Variants in ZNF844 observed in about 807,000 individuals in gnomAD.
ZNF844 encodes zinc finger protein 844.
In ZNF844, 11 loss-of-function variants were observed where a neutral mutation model predicts 11.4. The observed-to-expected ratio is 0.97, with a 90% CI of 0.61 to 1.60. The LOEUF (loss-of-function observed/expected upper bound fraction) is 1.60. ZNF844 is among the 40% of genes most tolerant of loss of function. The pLI is 0.00. For synonymous variants in ZNF844, 248 were observed against 260.3 expected (o/e 0.95, Z 0.46); for missense variants, 790 against 796.8 (o/e 0.99, Z 0.10).
chr19:12,075,417 A>G lies in ZNF844; in HGVS notation c.297A>G (p.Gly99=). ...DDTLNKKTSP[G]VKSCESSVCG... is the part of the protein sequence containing the mutation. ...CACTGAACAAAAAAACTTCTCCTGG[A>G]GTAAAATCATGTGAAAGCAGTGTGT... Residue 99 remains glycine (G), a synonymous_variant, in exon 4 of 4, where the codon GGA becomes GGG. Coordinates refer to ENST00000439326, the MANE Select transcript of ZNF844 (RefSeq NM_001136501.3). 1 of 1,607,910 alleles carries G rather than the reference A, an allele frequency of 6.2e-7. No individual in the cohort carries two copies. Among genetic ancestry groups the G allele is most frequent in the Non-Finnish European group, 8.5e-7 (1 of 1,177,570 alleles).
In ZNF844 at chr19:12,076,569, G is replaced by A. The variant is rs372799767; in HGVS notation, c.1449G>A (p.Lys483=). ...CTATGAATGTAAGCAGTGTGGTAAA[G>A]CCTTCATTTTTTCCACTTCCTTTCG... is the stretch of plus-strand genomic sequence containing the variant. The part of the protein sequence containing the change: ...RNPMNVSSVV[K]PSFFPLPFDI... The change falls in exon 4 of 4, where the codon AAG becomes AAA. Residue 483 remains lysine, a synonymous_variant. Transcript: ENST00000439326. 2.5e-6 allele frequency: 4 copies of A among 1,610,120 alleles called. No individual in the cohort carries two copies. The highest frequency in any genetic ancestry group is 3.4e-6 in the Non-Finnish European group (4 of 1,178,706).
At position 12,079,946 on chromosome 19, in the gene ZNF844, CAAAA is replaced by C. The variant is rs34875421; in HGVS notation, c.*2842_*2845del. 2.2e-4 allele frequency: 18 copies of C among 82,826 alleles called. No homozygotes were observed. Among genetic ancestry groups the C allele is most frequent in the African/African-American group, 4.3e-4 (12 of 27,764 alleles). The allele number at this position is 82,826 out of a possible 1,614,324, so 5.1% of individuals were successfully genotyped here. ...GGGCAACAAGAGTGAAACTCCATCT[CAAAA>C]AAAAAAAAAAAAAAAATTGAGGAAG... is the stretch of plus-strand genomic sequence containing the variant. On this transcript the variant is annotated 3_prime_UTR_variant, in exon 4 of 4. Coordinates refer to ENST00000439326, the MANE Select transcript of ZNF844 (RefSeq NM_001136501.3).
In ZNF844 at chr19:12,075,387, T is replaced by A; in HGVS notation, c.267T>A (p.Asp89Glu). The change falls in exon 4 of 4, where the codon GAT (aspartate) becomes GAA (glutamate). Residue 89 changes from aspartate (D) to glutamate (E), a missense_variant. Coordinates refer to ENST00000439326, the MANE Select transcript of ZNF844 (RefSeq NM_001136501.3). ...GAGAAACTTCTAGCCAGATTCCAGA[T>A]GACACACTGAACAAAAAAACTTCTC... The part of the protein sequence containing the change: ...HCGETSSQIP[D>E]DTLNKKTSPG... 6.3e-7 allele frequency: 1 copy of A among 1,589,886 alleles called. No individual in the cohort carries two copies. Among genetic ancestry groups the A allele is most frequent in the Non-Finnish European group, 8.6e-7 (1 of 1,168,846 alleles).
At chr19:12,071,320 TC>T (rs1195872608) in intron 1 of ZNF844, among the ~76,000 whole-genome samples, 1 of 152,244 alleles carries the variant, frequency 6.6e-6, no homozygotes. Context: ...AATACTCTTG[TC>T]TCTAATCCTA....
rs1975848364 is a variant in ZNF844, at chr19:12,077,779, A to G, written c.*658A>G. 2.9e-6 allele frequency: 1 copy of G among 348,130 alleles called. No homozygotes were observed. Among genetic ancestry groups the G allele is most frequent in the African/African-American group, 2.2e-5 (1 of 46,506 alleles). The allele number at this position is 348,130 out of a possible 1,614,324, so 21.6% of individuals were successfully genotyped here. ...AAGAACCTTCAAATACAGACAATGA[A>G]TGTAAACAATTAAATGTTTATAGCA... On this transcript the variant is annotated 3_prime_UTR_variant, in exon 4 of 4. Coordinates refer to ENST00000439326, the MANE Select transcript of ZNF844 (RefSeq NM_001136501.3).
chr19:12,077,716 A>G lies in ZNF844; in HGVS notation c.*595A>G. ...AGGACTCACACTGTAGAGCAACCCT[A>G]TGAATATAAGCAATATGGGAAAGCC... On this transcript the variant is annotated 3_prime_UTR_variant, in exon 4 of 4. Transcript: ENST00000439326. 2.3e-6 allele frequency: 1 copy of G among 440,446 alleles called. No homozygotes were observed. 27.3% of individuals were successfully genotyped at this position (440,446 alleles called of 1,614,324 possible).
At chr19:12,064,951 C>G in intron 1 of ZNF844, 75 bp downstream of exon 1, 1 of 1,498,380 alleles carries the variant, frequency 6.7e-7, no homozygotes, top group Non-Finnish European at 9.0e-7. Flanking sequence ...CTGGCTGGAA[C>G]CGGCTGTGCC....
intron 1 of ZNF844, among the ~76,000 whole-genome samples, chr19:12,070,725 A>G (rs67815603): frequency 0.12 from 18,510 of 152,136 alleles, 1,621 homozygotes; most frequent in African/African-American, 0.25. Flanking sequence ...ATTCAGCACA[A>G]TTGCAATATG....
At chr19:12,068,993 A>G (rs1975722089) in intron 1 of ZNF844, among the ~76,000 whole-genome samples, 1 of 152,056 alleles carries the variant, frequency 6.6e-6, no homozygotes, top group Admixed American at 6.6e-5. Context: ...GCTCACACTG[A>G]CCATGGGAGG....
intron 1 of ZNF844, among the ~76,000 whole-genome samples, chr19:12,065,442 GCTTTGTTGTTGT>G (rs1975677403): frequency 6.6e-6 from 1 of 152,024 alleles, no homozygotes; most frequent in South Asian, 2.1e-4. Flanking sequence ...TGTACTAGAT[GCTTTGTTGTTGT>G]AATCGCCTGA....
intron 1 of ZNF844, among the ~76,000 whole-genome samples, chr19:12,067,515 G>A (rs1023087350): frequency 2.0e-5 from 3 of 150,508 alleles, no homozygotes; most frequent in Non-Finnish European, 4.4e-5. Context: ...GCTGAGGCAG[G>A]GGAATTGCTT....
chr19:12,065,622 AT>A (rs965385305), intron 1 of ZNF844, among the ~76,000 whole-genome samples: 2 of 148,072 alleles, frequency 1.4e-5, no homozygotes, highest in Non-Finnish European at 3.0e-5. Context: ...TTTCTTTAAT[AT>A]TTTTTTCTTA....
rs566103181 is a variant in ZNF844, at chr19:12,076,976, C to G, written c.1856C>G (p.Ala619Gly). 5.0e-5 allele frequency: 80 copies of G among 1,600,686 alleles called. No homozygotes were observed. Among genetic ancestry groups the G allele is most frequent in the Non-Finnish European group, 4.0e-5 (47 of 1,173,450 alleles). Reference sequence around the variant, plus strand: ...AGAAACCCTATGAATGTAAGGAATGCGGAAAAGCGTTCAATTATTTTTCTT... The same window carrying G: ...AGAAACCCTATGAATGTAAGGAATGGGGAAAAGCGTTCAATTATTTTTCTT... ...LERNPMNVRNAEKRSIIFLLC... is the reference protein window; with the variant it reads ...LERNPMNVRNGEKRSIIFLLC... The change falls in exon 4 of 4, where the codon GCG (alanine) becomes GGG (glycine). Residue 619 changes from alanine (A) to glycine (G), a missense_variant. Ala to Gly is a moderately conservative substitution (Grantham distance 60). This residue lies in a region of ZNF844 where 657 missense variants were observed against 636.2 expected (regional missense o/e 1.03). Transcript: ENST00000439326.
chr19:12,064,750 C>G lies in ZNF844; in HGVS notation c.-124C>G. On this transcript the variant is annotated 5_prime_UTR_variant, in exon 1 of 4. Coordinates refer to ENST00000439326, the MANE Select transcript of ZNF844 (RefSeq NM_001136501.3). ...CGCCTCAGTCTTTGGCCCCTCCCGC[C>G]GGGTGAGGTTGGCACCCCGTTTTTC... is the stretch of plus-strand genomic sequence containing the variant. The G allele has an allele frequency of 9.8e-7, 1 of 1,024,736 alleles. No individual in the cohort carries two copies. The highest frequency in any genetic ancestry group is 1.4e-6 in the Non-Finnish European group (1 of 705,258). The allele number at this position is 1,024,736 out of a possible 1,614,324, so 63.5% of individuals were successfully genotyped here. A position where few individuals can be genotyped will look rare whatever the true frequency, so the allele number is the denominator to read the frequency against.
Position 12,078,351 on chromosome 19 carries a change from T to C in ZNF844, c.*1230T>C, listed in dbSNP as rs1975855729. 1 of 152,208 alleles carries C rather than the reference T, an allele frequency of 6.6e-6. No individual in the cohort carries two copies. The highest frequency in any genetic ancestry group is 1.5e-5 in the Non-Finnish European group (1 of 68,102). 9.4% of individuals were successfully genotyped at this position (152,208 alleles called of 1,614,324 possible). On this transcript the variant is annotated 3_prime_UTR_variant, in exon 4 of 4. Transcript: ENST00000439326. ...CCTATTGGCCACACTGGTCTTGAACTCCTGACCTGAAGTGATCCACCTGCC... is the reference window on the plus strand; with the variant it reads ...CCTATTGGCCACACTGGTCTTGAACCCCTGACCTGAAGTGATCCACCTGCC...
intron 1 of ZNF844, among the ~76,000 whole-genome samples, chr19:12,067,959 A>AGAAGGAAGGAATGAAGGAAGGAAGGAAG (rs1975710655): frequency 1.5e-5 from 1 of 68,100 alleles, no homozygotes; most frequent in Non-Finnish European, 2.5e-5. Flanking sequence ...AAAGAAGGAA[A>AGAAGGAAGGAATGAAGGAAGGAAGGAAG]GAAGGAAGGA....
chr19:12,068,455 G>A lies in ZNF844; in HGVS notation c.3+3579G>A, dbSNP rs187500859. ...AGCCTGACCAACATGGTGAAACCCC[G>A]TCTCTATTAAAAAAATATATACAAA... On this transcript the variant is annotated intron_variant, in intron 1 of 3. Transcript: ENST00000439326. Among the ~76,000 whole-genome samples, 685 of 152,068 alleles carry A rather than the reference G, an allele frequency of 4.5e-3. 4 individuals are homozygous for A. Among genetic ancestry groups the A allele is most frequent in the African/African-American group, 0.016 (652 of 41,492 alleles).
rs758623474 is a variant in ZNF844, at chr19:12,075,583, T to G, written c.463T>G (p.Ser155Ala). Reference sequence around the variant, plus strand: ...TAAGAAAGCCTTCAGATGTCACCCCTCCTTTCAAATGCAAGAAAAGGCTCA... The same window carrying G: ...TAAGAAAGCCTTCAGATGTCACCCCGCCTTTCAAATGCAAGAAAAGGCTCA... ...QRKKAFRCHP[S>A]FQMQEKAHTG... Residue 155 changes from serine (S) to alanine (A), a missense_variant, in exon 4 of 4, where the codon TCC becomes GCC. By Grantham distance (99) the Ser-to-Ala change is moderately conservative (BLOSUM62 1). Transcript: ENST00000439326. 1.2e-5 allele frequency: 20 copies of G among 1,614,054 alleles called. No homozygotes were observed. In the East Asian group the frequency reaches 4.5e-4, roughly 36 times the overall value.
At position 12,077,147 on chromosome 19, in the gene ZNF844, C is replaced by G. The variant is rs1192722415; in HGVS notation, c.*26C>G. On this transcript the variant is annotated 3_prime_UTR_variant, in exon 4 of 4. Coordinates refer to ENST00000439326, the MANE Select transcript of ZNF844 (RefSeq NM_001136501.3). ...AACCGTATGAATGCAAGGAATGTGGCAAAGCCTTCACTTCTTCTGGTTCCT... is the reference window on the plus strand; with the variant it reads ...AACCGTATGAATGCAAGGAATGTGGGAAAGCCTTCACTTCTTCTGGTTCCT... 7 of 1,600,902 alleles carry G rather than the reference C, an allele frequency of 4.4e-6. No individual in the cohort carries two copies. Among genetic ancestry groups the G allele is most frequent in the Non-Finnish European group, 5.1e-6 (6 of 1,173,782 alleles).
Sources: allele counts gnomAD v4.1 joint callset (sites outside exome capture counted in the v4.1 genomes callset), GRCh38; gene constraint gnomAD v4.1.1; regional missense constraint gnomAD v4.1.1; transcripts MANE v1.5; gene names NCBI Gene and HGNC (gene_info 2026-07-23, HGNC 2026-07-21).